Variants in CRYBG2 observed in about 807,000 individuals in gnomAD.
The protein encoded by CRYBG2 is crystallin beta-gamma domain containing 2, also known as beta/gamma crystallin domain-containing protein 2.
Under a neutral mutation model 153.4 loss-of-function variants are expected in CRYBG2, and 106 were observed. That is an observed-to-expected ratio of 0.69 (90% CI 0.59 to 0.81). The LOEUF is 0.81. Among genes scored for constraint, CRYBG2 ranks in the 30% least tolerant of loss-of-function variants. The pLI, the probability that CRYBG2 is intolerant of heterozygous loss-of-function variation, is 0.00. For synonymous variants in CRYBG2, 851 were observed against 877.8 expected, an observed-to-expected ratio of 0.97 and a Z score of 0.54; for missense variants, 1,996 against 2,112.0, an observed-to-expected ratio of 0.95 and a Z score of 1.08.
In CRYBG2 at chr1:26,343,095, T is replaced by A; in HGVS notation, c.3026A>T (p.Asp1009Val). 6.5e-7 allele frequency: 1 copy of A among 1,550,344 alleles called. No individual in the cohort carries two copies. Among genetic ancestry groups the A allele is most frequent in the Non-Finnish European group, 8.7e-7 (1 of 1,146,952 alleles). Residue 1009 changes from aspartate to valine, a missense_variant, in exon 4 of 20, where the codon GAT (aspartate) becomes GTT (valine). Coordinates refer to ENST00000308182, the MANE Select transcript of CRYBG2 (RefSeq NM_001039775.4). The surrounding 1 kb of genome is among the most constrained non-coding windows in gnomAD (Gnocchi z 4.1). Reference sequence around the variant, plus strand: ...GGCTACGGGGGCCCAGCCTGAGGCATCAACGATGTCTCCCCAGACCTCCCT... The same window carrying A: ...GGCTACGGGGGCCCAGCCTGAGGCAACAACGATGTCTCCCCAGACCTCCCT... ...SGREVWGDIVDASGWAPVASI... is the reference protein window; with the variant it reads ...SGREVWGDIVVASGWAPVASI...
At chr1:26,328,614 T>G in intron 16 of CRYBG2, 120 bp downstream of exon 16, 7 of 1,414,762 alleles carry the variant, frequency 4.9e-6, no homozygotes, top group Non-Finnish European at 6.7e-6. Flanking sequence ...CTTCCTGGCT[T>G]GGAGGGGAGT....
At chr1:26,338,302 AG>A in intron 7 of CRYBG2, 48 bp downstream of exon 7, 1 of 1,540,112 alleles carries the variant, frequency 6.5e-7, no homozygotes, top group Non-Finnish European at 8.7e-7. Context: ...ACTTGGGACC[AG>A]GGGCAGAGCC....
intron 17 of CRYBG2, among the ~76,000 whole-genome samples, chr1:26,326,222 A>G (rs2073924891): frequency 6.6e-6 from 1 of 152,028 alleles, no homozygotes. Context: ...ATTAATGGCA[A>G]TGTATTTATT....
At chr1:26,328,356 C>T in intron 16 of CRYBG2, 24 bp from the exon 17 acceptor site, 1 of 1,560,942 alleles carries the variant, frequency 6.4e-7, no homozygotes, top group Non-Finnish European at 8.7e-7. Flanking sequence ...GTGTCAGGGA[C>T]ACAGAGAAGA....
Position 26,325,433 on chromosome 1 carries a change from G to T in CRYBG2, c.4579-1123C>A, listed in dbSNP as rs1240056828. Among the ~76,000 whole-genome samples the T allele has an allele frequency of 2.6e-5, 4 of 152,130 alleles. No homozygotes were observed. The highest frequency in any genetic ancestry group is 1.3e-4 in the Admixed American group (2 of 15,262). ...AAATTAGCCAGGTGTGGTGGCACAC[G>T]CCTGTAATCACAGCTACTCGGGAGG... is the stretch of plus-strand genomic sequence containing the variant. On this transcript the variant is annotated intron_variant, in intron 17 of 19. Transcript: ENST00000308182. The surrounding 1 kb of genome is among the most constrained non-coding windows in gnomAD (Gnocchi z 4.1).
chr1:26,343,360 C>G lies in CRYBG2; in HGVS notation c.2914-67G>C. ...CTCTTTTCTGCCTCCCCACAACCCGCCATTCCAAGGATCCCACATCCTCCC... is the reference window on the plus strand; with the variant it reads ...CTCTTTTCTGCCTCCCCACAACCCGGCATTCCAAGGATCCCACATCCTCCC... On this transcript the variant is annotated intron_variant, in intron 2 of 19. Coordinates refer to ENST00000308182, the MANE Select transcript of CRYBG2 (RefSeq NM_001039775.4). The surrounding 1 kb of genome is among the most constrained non-coding windows in gnomAD (Gnocchi z 4.1). 3.3e-6 allele frequency: 5 copies of G among 1,512,860 alleles called. No individual in the cohort carries two copies. Among genetic ancestry groups the G allele is most frequent in the Non-Finnish European group, 4.5e-6 (5 of 1,113,144 alleles). 93.7% of individuals were successfully genotyped at this position (1,512,860 alleles called of 1,614,324 possible).
rs774523997 is a variant in CRYBG2 at position 26,344,745 on chromosome 1, T to C, written c.1913A>G (p.Lys638Arg). ...CTCTTTTTGGATGCTACTGCTGCCT[T>C]TTGGGCCCTGGACAACCTCAGTTGA... ...PKSTEVVQGPKGSSSIQKEAV... is the reference protein window; with the variant it reads ...PKSTEVVQGPRGSSSIQKEAV... The change falls in exon 2 of 20, where the codon AAA becomes AGA. Residue 638 changes from lysine to arginine, a missense_variant. Physicochemically the swap from Lys to Arg is conservative, Grantham distance 26. Transcript: ENST00000308182. 28 of 1,535,904 alleles carry C rather than the reference T, an allele frequency of 1.8e-5. No individual in the cohort carries two copies. In the South Asian group the frequency reaches 3.0e-4, roughly 16 times the overall value.
intron 5 of CRYBG2, among the ~76,000 whole-genome samples, chr1:26,340,638 G>A (rs748401951): frequency 2.2e-4 from 34 of 152,028 alleles, no homozygotes; most frequent in Admixed American, 4.6e-4. Context: ...TTGAAATGGA[G>A]TTTTGCTCTT....
At chr1:26,322,463 T>C in intron 18 of CRYBG2, 140 bp from the exon 19 acceptor site, 1 of 954,240 alleles carries the variant, frequency 1.0e-6, no homozygotes, top group Non-Finnish European at 1.5e-6. Context: ...CTCCTCAGCT[T>C]CAGTTTCCTC....
In CRYBG2 at chr1:26,336,148, C is replaced by T. The variant is rs1425723184; in HGVS notation, c.4131G>A (p.Gln1377=). The part of the protein sequence containing the change: ...LGDHFSFEDD[Q]AALPASFRPQ... ...GTCGGAAGGAGGCGGGCAGAGCGGCCTGGTCATCTTCGAAAGAGAAGTGGT... is the reference window on the plus strand; with the variant it reads ...GTCGGAAGGAGGCGGGCAGAGCGGCTTGGTCATCTTCGAAAGAGAAGTGGT... The change falls in exon 14 of 20, where the codon CAG becomes CAA. Residue 1377 remains glutamine, a synonymous_variant. Coordinates refer to ENST00000308182, the MANE Select transcript of CRYBG2 (RefSeq NM_001039775.4). The surrounding 1 kb of genome is among the most constrained non-coding windows in gnomAD (Gnocchi z 4.9). The T allele has an allele frequency of 6.5e-7, 1 of 1,540,822 alleles. No homozygotes were observed. Among genetic ancestry groups the T allele is most frequent in the Non-Finnish European group, 8.8e-7 (1 of 1,139,100 alleles).
Position 26,343,454 on chromosome 1 carries a change from C to T in CRYBG2, c.2914-161G>A, listed in dbSNP as rs543994007. On this transcript the variant is annotated intron_variant, in intron 2 of 19. Transcript: ENST00000308182. This position sits in a 1 kb window ranked among gnomAD's most constrained non-coding sequence, Gnocchi z 4.1. Reference sequence around the variant, plus strand: ...ACACTTGTTCCCAACCCCCAAGGGCCTCATCACCCTGTCCCAGGAGCTTGG... The same window carrying T: ...ACACTTGTTCCCAACCCCCAAGGGCTTCATCACCCTGTCCCAGGAGCTTGG... 6.6e-6 allele frequency among the ~76,000 whole-genome samples: 1 copy of T among 152,332 alleles called. No individual in the cohort carries two copies. Among genetic ancestry groups the T allele is most frequent in the East Asian group, 1.9e-4 (1 of 5,180 alleles).
In CRYBG2 at chr1:26,343,870, G is replaced by A. The variant is rs2074164754; in HGVS notation, c.2788C>T (p.Leu930=). ...GCCCCATGGGGCAGCAGAGCAGATA[G>A]TTTTGTGCCCAGCGGTTCCGGGGTG... The part of the protein sequence containing the change: ...ASTPEPLGTK[L]SALLPHGAPG... The change falls in exon 2 of 20, where the codon CTA becomes TTA. Residue 930 remains leucine, a synonymous_variant. Transcript: ENST00000308182. The surrounding 1 kb of genome is among the most constrained non-coding windows in gnomAD (Gnocchi z 4.1). The A allele has an allele frequency of 6.6e-7, 1 of 1,509,542 alleles. No homozygotes were observed. Among genetic ancestry groups the A allele is most frequent in the African/African-American group, 1.4e-5 (1 of 72,154 alleles). The allele number at this position is 1,509,542 out of a possible 1,614,324, so 93.5% of individuals were successfully genotyped here.
chr1:26,336,302 T>C lies in CRYBG2; in HGVS notation c.4071+36A>G. On this transcript the variant is annotated intron_variant, in intron 13 of 19. Coordinates refer to ENST00000308182, the MANE Select transcript of CRYBG2 (RefSeq NM_001039775.4). The surrounding 1 kb of genome is among the most constrained non-coding windows in gnomAD (Gnocchi z 4.9). The stretch of plus-strand genomic sequence containing the variant: ...AAGGTCCGAAATGAGGGGAGAGACG[T>C]GAGCCCAGCGGCTCCCTGCGGAGTC... 4 of 1,612,318 alleles carry C rather than the reference T, an allele frequency of 2.5e-6. No homozygotes were observed. The highest frequency in any genetic ancestry group is 3.4e-6 in the Non-Finnish European group (4 of 1,179,086).
At chr1:26,324,504 T>TCACACACA (rs10611174) in intron 17 of CRYBG2, among the ~76,000 whole-genome samples, 194 bp from the exon 18 acceptor site, 1 of 126,484 alleles carries the variant, frequency 7.9e-6, no homozygotes, top group African/African-American at 2.9e-5. Context: ...TCTCTCTCTC[T>TCACACACA]CACACACACA....
chr1:26,353,400 C>T (rs983885719), intron 1 of CRYBG2, among the ~76,000 whole-genome samples: 5 of 152,074 alleles, frequency 3.3e-5, no homozygotes, highest in Non-Finnish European at 5.9e-5. Flanking sequence ...CATATCCTTC[C>T]ACCTCTGCGC....
At chr1:26,347,140 A>G (rs534001841) in intron 1 of CRYBG2, among the ~76,000 whole-genome samples, 37 of 152,248 alleles carry the variant, frequency 2.4e-4, no homozygotes, top group African/African-American at 8.2e-4. Flanking sequence ...TGTTCAGGGA[A>G]GATGGGCTTT....
intron 15 of CRYBG2, among the ~76,000 whole-genome samples, chr1:26,330,066 G>C (rs1450222695): frequency 6.6e-6 from 1 of 152,188 alleles, no homozygotes; most frequent in Non-Finnish European, 1.5e-5. Context: ...ACAAGCCACT[G>C]CACTTGGCTT....
In CRYBG2 at chr1:26,346,492, C is replaced by G. The variant is rs1557720250; in HGVS notation, c.166G>C (p.Glu56Gln). ...TCCACTTCCTCTCGACGGCTGAACT[C>G]AAACATCTCCTTCTGCGGGGCTTCC... is the stretch of plus-strand genomic sequence containing the variant. ...QMEAPQKEMFEFSRREEVEVN... is the reference protein window; with the variant it reads ...QMEAPQKEMFQFSRREEVEVN... The change falls in exon 2 of 20, where the codon GAG (glutamate) becomes CAG (glutamine). Residue 56 changes from glutamate to glutamine, a missense_variant. Glu to Gln is a conservative substitution (Grantham distance 29). Transcript: ENST00000308182. The surrounding 1 kb of genome is among the most constrained non-coding windows in gnomAD (Gnocchi z 4.9). 3 of 1,612,554 alleles carry G rather than the reference C, an allele frequency of 1.9e-6. No homozygotes were observed. Among genetic ancestry groups the G allele is most frequent in the Non-Finnish European group, 2.5e-6 (3 of 1,179,834 alleles).
At chr1:26,349,684 G>A (rs916807273) in intron 1 of CRYBG2, among the ~76,000 whole-genome samples, 4 of 152,152 alleles carry the variant, frequency 2.6e-5, no homozygotes, top group African/African-American at 9.7e-5. Context: ...AATATTGAGA[G>A]GTGGGGCCTC....
Sources: allele counts gnomAD v4.1 joint callset (sites outside exome capture counted in the v4.1 genomes callset), GRCh38; gene constraint gnomAD v4.1.1; non-coding constraint Gnocchi (gnomAD v3.1); transcripts MANE v1.5; gene names NCBI Gene and HGNC (gene_info 2026-07-23, HGNC 2026-07-21).